Variants in ZNF475 observed in about 807,000 individuals in gnomAD.
ZNF475 encodes zinc finger protein 475.
chr5:122,180,290 A>G, the ZNF475 span, among the ~76,000 whole-genome samples: 1 of 152,250 alleles, frequency 6.6e-6, no homozygotes, highest in Non-Finnish European at 1.5e-5. Flanking sequence ...ATAGGAGACA[A>G]GCAGCTGCCC....
chr5:122,170,681 A>G, the ZNF475 span, among the ~76,000 whole-genome samples: 2 of 152,298 alleles, frequency 1.3e-5, no homozygotes, highest in East Asian at 3.9e-4. Flanking sequence ...TGATTAAATC[A>G]TTGAACATTA....
At chr5:122,171,081 TATTA>T in the ZNF475 span, among the ~76,000 whole-genome samples, 258 of 152,160 alleles carry the variant, frequency 1.7e-3, 1 homozygote, top group African/African-American at 6.0e-3. Flanking sequence ...TCATTCCTAA[TATTA>T]ATTCTAATTC....
At chr5:122,178,586 G>T in the ZNF475 span, among the ~76,000 whole-genome samples, 2 of 152,118 alleles carry the variant, frequency 1.3e-5, no homozygotes, top group Non-Finnish European at 2.9e-5. Flanking sequence ...GGGGTTGCTT[G>T]TTTTTTTCTT....
At chr5:122,176,421 A>T in the ZNF475 span, among the ~76,000 whole-genome samples, 1 of 152,198 alleles carries the variant, frequency 6.6e-6, no homozygotes, top group East Asian at 1.9e-4. Flanking sequence ...CAGATCCAGA[A>T]CAAAATCAAT....
chr5:122,160,887 T>C, the ZNF475 span, among the ~76,000 whole-genome samples: 1 of 152,212 alleles, frequency 6.6e-6, no homozygotes, highest in Non-Finnish European at 1.5e-5. Context: ...CGAATGGATA[T>C]AGCTTCAGTA....
the ZNF475 span, among the ~76,000 whole-genome samples, chr5:122,180,241 G>T: frequency 6.6e-6 from 1 of 152,198 alleles, no homozygotes; most frequent in African/African-American, 2.4e-5. Context: ...CAAAGGGGAG[G>T]TAAGGACTAT....
At chr5:122,177,417 T>G in the ZNF475 span, among the ~76,000 whole-genome samples, 1 of 152,218 alleles carries the variant, frequency 6.6e-6, no homozygotes, top group South Asian at 2.1e-4. Context: ...GAAGAGGAAT[T>G]ATGCCTGATT....
the ZNF475 span, chr5:122,179,494 C>T: frequency 1.2e-6 from 1 of 825,814 alleles, no homozygotes; most frequent in Non-Finnish European, 1.8e-6. Flanking sequence ...ATTTTATTCT[C>T]TTTGTAGCAA....
chr5:122,181,191 T>C, the ZNF475 span, among the ~76,000 whole-genome samples: 1 of 152,104 alleles, frequency 6.6e-6, no homozygotes, highest in Non-Finnish European at 1.5e-5. Flanking sequence ...ATGCCCTTCC[T>C]CTCTAGGTAA....
chr5:122,181,789 G>C, the ZNF475 span, among the ~76,000 whole-genome samples: 2 of 152,168 alleles, frequency 1.3e-5, no homozygotes, highest in Non-Finnish European at 2.9e-5. Flanking sequence ...ATGCCACATT[G>C]TTTCTCTAAA....
At chr5:122,160,243 C>T in the ZNF475 span, 4 of 1,289,746 alleles carry the variant, frequency 3.1e-6, no homozygotes, top group African/African-American at 1.5e-5. Flanking sequence ...GCTCTCACAT[C>T]GACAGACCAC....
the ZNF475 span, among the ~76,000 whole-genome samples, chr5:122,171,816 G>A: frequency 6.6e-6 from 1 of 151,500 alleles, no homozygotes; most frequent in Non-Finnish European, 1.5e-5. Flanking sequence ...ACAGCTCGCT[G>A]CAGCCTCAAC....
chr5:122,168,289 C>T, the ZNF475 span, among the ~76,000 whole-genome samples: 19 of 152,330 alleles, frequency 1.2e-4, no homozygotes, highest in Middle Eastern at 3.4e-3. Flanking sequence ...GGTGATCCGC[C>T]CGCCTCGGCC....
the ZNF475 span, among the ~76,000 whole-genome samples, chr5:122,170,275 A>G: frequency 2.6e-5 from 4 of 152,148 alleles, no homozygotes; most frequent in African/African-American, 7.2e-5. Flanking sequence ...GCAGACCTCA[A>G]AAGTTGAGGG....
the ZNF475 span, among the ~76,000 whole-genome samples, chr5:122,161,515 T>A: frequency 6.6e-6 from 1 of 152,208 alleles, no homozygotes; most frequent in Non-Finnish European, 1.5e-5. Context: ...TCCAAGGTGG[T>A]GGTCTTCTTT....
chr5:122,171,415 G>A, the ZNF475 span, among the ~76,000 whole-genome samples: 3 of 152,256 alleles, frequency 2.0e-5, no homozygotes, highest in East Asian at 1.9e-4. Context: ...AAGTAGACAC[G>A]TATATGTTTT....
At chr5:122,182,560 C>T in the ZNF475 span, 1 of 1,535,362 alleles carries the variant, frequency 6.5e-7, no homozygotes, top group East Asian at 2.4e-5. Flanking sequence ...CAGTTGGTTC[C>T]CTGTAATGTT....
At chr5:122,179,419 G>T in the ZNF475 span, 10 of 400,660 alleles carry the variant, frequency 2.5e-5, no homozygotes, top group Admixed American at 4.2e-5. Context: ...TTATTTCCTT[G>T]GGTAGTGGTT....
chr5:122,178,168 A>G, the ZNF475 span, among the ~76,000 whole-genome samples: 5 of 152,178 alleles, frequency 3.3e-5, no homozygotes, highest in Non-Finnish European at 5.9e-5. Context: ...GGTTGGTTCC[A>G]AGTCTTTGCT....
Sources: allele counts gnomAD v4.1 joint callset (sites outside exome capture counted in the v4.1 genomes callset), GRCh38; gene constraint gnomAD v4.1.1; transcripts MANE v1.5; gene names NCBI Gene and HGNC (gene_info 2026-07-23, HGNC 2026-07-21).